The following CERS6 variants were observed in gnomAD, a reference collection of about 807,000 sequenced individuals.
CERS6 encodes the protein ceramide synthase 6, also known as LAG1 homolog, ceramide synthase 6.
CERS6 carries 26 observed loss-of-function variants against 56.8 expected under a neutral mutation model. That is an observed-to-expected ratio of 0.46 (90% CI 0.34 to 0.63). CERS6 has a LOEUF of 0.63. Ranked by LOEUF, CERS6 falls within the 30% of genes least tolerant of loss-of-function variation. CERS6 has a pLI of 0.01. For missense variants in CERS6, 415 were observed against 467.5 expected, an observed-to-expected ratio of 0.89 and a Z score of 1.04; for synonymous variants, 164 against 173.3, an observed-to-expected ratio of 0.95 and a Z score of 0.42.
At position 168,682,507 on chromosome 2, in the gene CERS6, G is replaced by C. The variant is rs551422439; in HGVS notation, c.466-8527G>C. Among the ~76,000 whole-genome samples the C allele has an allele frequency of 2.1e-4, 32 of 152,208 alleles. No homozygotes were observed. In the South Asian group the frequency reaches 6.2e-3, roughly 30 times the overall value. On this transcript the variant is annotated intron_variant, in intron 4 of 9. Transcript: ENST00000305747. The stretch of plus-strand genomic sequence containing the variant: ...GAATGTGCCTGTTAACATTTCCGTA[G>C]CTCATCTGGTTTTAGCATAGCGGTA...
At chr2:168,632,564 T>G (rs1251138399) in intron 4 of CERS6, among the ~76,000 whole-genome samples, 1 of 152,204 alleles carries the variant, frequency 6.6e-6, no homozygotes, top group East Asian at 1.9e-4. Flanking sequence ...TTTTACTCTG[T>G]GGGGTTTCTG....
At chr2:168,537,158 C>T (rs1695279205) in intron 1 of CERS6, among the ~76,000 whole-genome samples, 1 of 152,022 alleles carries the variant, frequency 6.6e-6, no homozygotes. Context: ...TTAATAAAAA[C>T]ATGGTAAGCA....
intron 3 of CERS6, among the ~76,000 whole-genome samples, chr2:168,625,917 A>G (rs1684580338): frequency 6.6e-6 from 1 of 152,188 alleles, no homozygotes; most frequent in Non-Finnish European, 1.5e-5. Flanking sequence ...ACAGTTCTCA[A>G]TTATGCAGCA....
intron 1 of CERS6, among the ~76,000 whole-genome samples, chr2:168,544,610 G>A (rs1695429879): frequency 6.6e-6 from 1 of 152,158 alleles, no homozygotes; most frequent in Non-Finnish European, 1.5e-5. Flanking sequence ...GGCCCTTAGA[G>A]AAGGCCAGGT....
intron 1 of CERS6, among the ~76,000 whole-genome samples, chr2:168,535,768 T>A (rs1217675158): frequency 2.0e-5 from 3 of 148,560 alleles, no homozygotes; most frequent in African/African-American, 7.5e-5. Context: ...ATATCTCGTG[T>A]GCATTTTTAA....
intron 4 of CERS6, among the ~76,000 whole-genome samples, chr2:168,668,296 C>G (rs1448454672): frequency 1.3e-5 from 2 of 152,190 alleles, no homozygotes; most frequent in Non-Finnish European, 2.9e-5. Context: ...GTCTCACCAT[C>G]TGCAGCAGTC....
intron 1 of CERS6, among the ~76,000 whole-genome samples, chr2:168,544,958 C>G (rs1203540646): frequency 6.6e-6 from 1 of 151,872 alleles, no homozygotes; most frequent in Non-Finnish European, 1.5e-5. Flanking sequence ...TTCAGTGTAG[C>G]TGAGGCTGGT....
At chr2:168,697,800 C>T (rs1454675642) in intron 6 of CERS6, among the ~76,000 whole-genome samples, 2 of 152,138 alleles carry the variant, frequency 1.3e-5, no homozygotes, top group Non-Finnish European at 2.9e-5. Flanking sequence ...CTAGAGGTGC[C>T]ATCCAGAGTC....
chr2:168,645,459 G>A (rs1685176554), intron 4 of CERS6, among the ~76,000 whole-genome samples: 1 of 151,728 alleles, frequency 6.6e-6, no homozygotes, highest in Non-Finnish European at 1.5e-5. Context: ...GAGAGGGAGA[G>A]AAAACCCTGT....
At position 168,593,184 on chromosome 2, in the gene CERS6, C is replaced by T. The variant is rs140576369; in HGVS notation, c.407+31862C>T. 2.5e-3 allele frequency among the ~76,000 whole-genome samples: 387 copies of T among 152,252 alleles called. 2 individuals carry two copies. Among genetic ancestry groups the T allele is most frequent in the African/African-American group, 8.8e-3 (364 of 41,546 alleles). ...CTTCTGTGATTACATTGGGTTCACC[C>T]GAAACATCGGGATAATATCACATCT... On this transcript the variant is annotated intron_variant, in intron 3 of 9. Transcript: ENST00000305747.
chr2:168,761,021 T>A (rs1347196886), intron 8 of CERS6, among the ~76,000 whole-genome samples: 1 of 152,086 alleles, frequency 6.6e-6, no homozygotes, highest in Non-Finnish European at 1.5e-5. Flanking sequence ...CCTCCCAAAG[T>A]GCTGGGATTA....
intron 8 of CERS6, among the ~76,000 whole-genome samples, chr2:168,718,654 G>A (rs1452707814): frequency 6.6e-6 from 1 of 152,156 alleles, no homozygotes; most frequent in Non-Finnish European, 1.5e-5. Context: ...ACTTACTGAA[G>A]AAAAACGTTG....
At chr2:168,559,533 C>A (rs1490456671) in intron 2 of CERS6, among the ~76,000 whole-genome samples, 4 of 151,644 alleles carry the variant, frequency 2.6e-5, no homozygotes, top group Admixed American at 6.6e-5. Flanking sequence ...CAAGCATGGG[C>A]AAGCTCTCTA....
At chr2:168,709,003 A>T (rs1159687100) in intron 6 of CERS6, among the ~76,000 whole-genome samples, 1 of 152,136 alleles carries the variant, frequency 6.6e-6, no homozygotes, top group Non-Finnish European at 1.5e-5. Context: ...CCTGAAAACA[A>T]TATTATTTCA....
chr2:168,550,581 G>C (rs11682385), intron 2 of CERS6, among the ~76,000 whole-genome samples: 19,035 of 152,208 alleles, frequency 0.13, 1,571 homozygotes, highest in South Asian at 0.3. Context: ...CCCACCCTGT[G>C]ACTTAGTGTG....
chr2:168,723,117 C>T (rs185784191), intron 8 of CERS6, among the ~76,000 whole-genome samples: 22 of 152,324 alleles, frequency 1.4e-4, no homozygotes, highest in Admixed American at 5.9e-4. Flanking sequence ...CCACAGAATC[C>T]CTTGCTTTGC....
At chr2:168,577,595 G>A (rs983713909) in intron 3 of CERS6, among the ~76,000 whole-genome samples, 16 of 152,184 alleles carry the variant, frequency 1.1e-4, no homozygotes, top group African/African-American at 3.4e-4. Flanking sequence ...GGCAAGAGCC[G>A]AGCCTTGCCC....
Position 168,748,389 on chromosome 2 carries a change from T to A in CERS6, c.846-17203T>A, listed in dbSNP as rs1458372835. 5.3e-5 allele frequency among the ~76,000 whole-genome samples: 8 copies of A among 152,246 alleles called. 1 individual carries two copies. The highest frequency in any genetic ancestry group is 1.2e-4 in the Non-Finnish European group (8 of 68,042). On this transcript the variant is annotated intron_variant, in intron 8 of 9. Coordinates refer to ENST00000305747, the MANE Select transcript of CERS6 (RefSeq NM_203463.3). ...TTGTCCTGTTAGTTAAATAATTTTT[T>A]AAAATTTATTTTTAGATGAAACCCC...
chr2:168,699,178 G>A (rs545989212), intron 6 of CERS6, among the ~76,000 whole-genome samples: 1 of 152,134 alleles, frequency 6.6e-6, no homozygotes. Context: ...AGGACCTGCT[G>A]TTCTAGCCAT....
Sources: allele counts gnomAD v4.1 joint callset (sites outside exome capture counted in the v4.1 genomes callset), GRCh38; gene constraint gnomAD v4.1.1; transcripts MANE v1.5; gene names NCBI Gene and HGNC (gene_info 2026-07-23, HGNC 2026-07-21).